LYPLAL1: variants seen among roughly 807,000 people sequenced by gnomAD.
LYPLAL1 encodes the protein lysophospholipase-like protein 1.
A neutral mutation model predicts 19.7 loss-of-function variants in LYPLAL1; 23 were observed. The observed-to-expected ratio is 1.17, with a 90% CI of 0.84 to 1.65. The LOEUF (loss-of-function observed/expected upper bound fraction) is 1.65, where lower values mean the gene tolerates loss of function less well. Ranked by LOEUF, LYPLAL1 falls within the 40% of genes most tolerant of loss-of-function variation. The pLI, the probability that LYPLAL1 is intolerant of heterozygous loss-of-function variation, is 0.00. For missense variants in LYPLAL1, 355 were observed against 279.4 expected, an observed-to-expected ratio of 1.27 and a Z score of -1.93; for synonymous variants, 119 against 96.3, an observed-to-expected ratio of 1.24 and a Z score of -1.38.
the LYPLAL1 span, among the ~76,000 whole-genome samples, chr1:219,245,159 T>C: frequency 6.7e-6 from 1 of 150,296 alleles, no homozygotes; most frequent in Admixed American, 6.7e-5. Flanking sequence ...CCTCCTTCCC[T>C]CCCTCCCTCT....
intron 3 of LYPLAL1, among the ~76,000 whole-genome samples, chr1:219,207,614 T>G (rs982574484): frequency 1.3e-5 from 2 of 152,078 alleles, no homozygotes; most frequent in Non-Finnish European, 2.9e-5. Flanking sequence ...CAGGCACTGT[T>G]GTAAGCATAG....
At chr1:219,334,362 G>A in the LYPLAL1 span, among the ~76,000 whole-genome samples, 1 of 151,864 alleles carries the variant, frequency 6.6e-6, no homozygotes, top group Non-Finnish European at 1.5e-5. Context: ...TTCTAATGTT[G>A]TAGGATTATT....
chr1:219,292,427 C>G, the LYPLAL1 span, among the ~76,000 whole-genome samples: 1 of 152,194 alleles, frequency 6.6e-6, no homozygotes, highest in African/African-American at 2.4e-5. Context: ...GGGAGCCCAA[C>G]TTAGTTAGGA....
the LYPLAL1 span, among the ~76,000 whole-genome samples, chr1:219,391,388 C>T: frequency 6.6e-6 from 1 of 152,154 alleles, no homozygotes; most frequent in Non-Finnish European, 1.5e-5. Flanking sequence ...AGTTAAAATA[C>T]AGACTGTTGC....
At chr1:219,362,034 C>T in the LYPLAL1 span, among the ~76,000 whole-genome samples, 11 of 152,030 alleles carry the variant, frequency 7.2e-5, 1 homozygote, top group African/African-American at 2.7e-4. Flanking sequence ...AATGTTAATC[C>T]TCTTGAAAGT....
the LYPLAL1 span, among the ~76,000 whole-genome samples, chr1:219,398,018 G>C: frequency 1.3e-5 from 2 of 152,272 alleles, no homozygotes; most frequent in Middle Eastern, 6.8e-3. Context: ...AGAATCTGAT[G>C]ATTATGTATC....
the LYPLAL1 span, among the ~76,000 whole-genome samples, chr1:219,287,753 G>T: frequency 1.2e-4 from 19 of 152,288 alleles, no homozygotes; most frequent in East Asian, 3.5e-3. Flanking sequence ...ATCTCGTGTC[G>T]AACTGTCATC....
chr1:219,419,553 A>ACG, the LYPLAL1 span, among the ~76,000 whole-genome samples: 1 of 64,406 alleles, frequency 1.6e-5, no homozygotes, highest in East Asian at 2.9e-4. Flanking sequence ...AGCCCAACAC[A>ACG]CACACACACA....
the LYPLAL1 span, among the ~76,000 whole-genome samples, chr1:219,439,993 A>G: frequency 4.0e-5 from 1 of 24,700 alleles, no homozygotes; most frequent in South Asian, 8.8e-4. Flanking sequence ...ATATATATAC[A>G]CACATATATA....
chr1:219,444,955 A>G, the LYPLAL1 span, among the ~76,000 whole-genome samples: 4 of 152,180 alleles, frequency 2.6e-5, no homozygotes, highest in Non-Finnish European at 4.4e-5. Context: ...TGAATTTGTT[A>G]AAAGTCCAAA....
chr1:219,444,443 T>C, the LYPLAL1 span, among the ~76,000 whole-genome samples: 1 of 152,204 alleles, frequency 6.6e-6, no homozygotes, highest in Non-Finnish European at 1.5e-5. Flanking sequence ...CTCCCTTGTC[T>C]CACAATCATC....
At chr1:219,214,638 A>G (rs543394209), downstream of LYPLAL1, among the ~76,000 whole-genome samples, 2 of 150,658 alleles carry the variant, frequency 1.3e-5, no homozygotes, top group South Asian at 4.2e-4. Flanking sequence ...TATAAGTTGC[A>G]TGTACCATCA....
chr1:219,348,535 C>CT, the LYPLAL1 span, among the ~76,000 whole-genome samples: 1 of 152,134 alleles, frequency 6.6e-6, no homozygotes, highest in African/African-American at 2.4e-5. Context: ...CTTCAGTCTT[C>CT]TTTTTTTATC....
chr1:219,433,456 C>T, the LYPLAL1 span, among the ~76,000 whole-genome samples: 18 of 152,198 alleles, frequency 1.2e-4, no homozygotes, highest in Non-Finnish European at 1.8e-4. Context: ...TCAGATATTA[C>T]ACGTTGGCAT....
the LYPLAL1 span, among the ~76,000 whole-genome samples, chr1:219,319,081 A>T: frequency 6.6e-6 from 1 of 152,190 alleles, no homozygotes; most frequent in African/African-American, 2.4e-5. Flanking sequence ...CAGAGATAAT[A>T]TGATGCAATG....
the LYPLAL1 span, among the ~76,000 whole-genome samples, chr1:219,314,519 G>C: frequency 6.6e-6 from 1 of 151,954 alleles, no homozygotes; most frequent in South Asian, 2.1e-4. Flanking sequence ...ATCTCGGCTA[G>C]CTGCAAGCTC....
chr1:219,198,051 CTGAA>C (rs1418033935), intron 3 of LYPLAL1, among the ~76,000 whole-genome samples: 2 of 152,076 alleles, frequency 1.3e-5, no homozygotes, highest in Non-Finnish European at 2.9e-5. Flanking sequence ...TTGGGGCTCA[CTGAA>C]TGAAGATAAT....
rs35544870 is a variant in LYPLAL1, at chr1:219,190,622, T to TAAAAA, written c.192-2444_192-2440dup. 2.0e-3 allele frequency among the ~76,000 whole-genome samples: 168 copies of TAAAAA among 85,942 alleles called. 10 individuals carry two copies. Among genetic ancestry groups the TAAAAA allele is most frequent in the African/African-American group, 5.6e-3 (115 of 20,692 alleles). 56.4% of individuals were successfully genotyped at this position (85,942 alleles called of 152,430 possible). A position where few individuals can be genotyped will look rare whatever the true frequency, so the allele number is the denominator to read the frequency against. On this transcript the variant is annotated intron_variant, in intron 2 of 4. Transcript: ENST00000366928. ...ATCAAATGTAGAGTCTTTTGTCCAG[T>TAAAAA]AAAAAAAAAAAAAAAAAAAACCCTT... is the stretch of plus-strand genomic sequence containing the variant.
the LYPLAL1 span, among the ~76,000 whole-genome samples, chr1:219,401,729 A>G: frequency 6.6e-6 from 1 of 152,202 alleles, no homozygotes; most frequent in Non-Finnish European, 1.5e-5. Context: ...AATTAAATCC[A>G]TAAGTAGCAA....
Sources: allele counts gnomAD v4.1 joint callset (sites outside exome capture counted in the v4.1 genomes callset), GRCh38; gene constraint gnomAD v4.1.1; transcripts MANE v1.5; gene names NCBI Gene and HGNC (gene_info 2026-07-23, HGNC 2026-07-21).